Variants in BTG4 observed in about 807,000 individuals in gnomAD.
BTG4 encodes the protein protein BTG4.
A neutral mutation model predicts 19.3 loss-of-function variants in BTG4; 10 were observed. The ratio of observed to expected loss-of-function variants is 0.52; its 90% CI spans 0.32 to 0.88. The LOEUF (loss-of-function observed/expected upper bound fraction) is 0.88. Ranked by LOEUF, BTG4 falls within the 40% of genes least tolerant of loss-of-function variation. The pLI, the probability that BTG4 is intolerant of heterozygous loss-of-function variation, is 0.04. For missense variants in BTG4, 238 were observed against 281.9 expected (o/e 0.84, Z 1.11); for synonymous variants, 91 against 95.7 (o/e 0.95, Z 0.29).
At chr11:111,424,678 C>A in the BTG4 span, among the ~76,000 whole-genome samples, 53 of 152,166 alleles carry the variant, frequency 3.5e-4, no homozygotes, top group Non-Finnish European at 6.2e-4. Flanking sequence ...TAAAATTAGG[C>A]CAGATGTAGT....
At chr11:111,411,592 T>C in the BTG4 span, among the ~76,000 whole-genome samples, 2 of 152,204 alleles carry the variant, frequency 1.3e-5, no homozygotes, top group Non-Finnish European at 2.9e-5. Flanking sequence ...ATGTCTCAAA[T>C]TGTAATGTGC....
intron 5 of BTG4, among the ~76,000 whole-genome samples, chr11:111,483,254 A>G (rs1864851045): frequency 6.6e-6 from 1 of 152,208 alleles, no homozygotes; most frequent in Admixed American, 6.5e-5. Flanking sequence ...AGCCTTCTCA[A>G]GAAGGGCAGG....
chr11:111,426,360 C>T, the BTG4 span, among the ~76,000 whole-genome samples: 1 of 152,168 alleles, frequency 6.6e-6, no homozygotes, highest in African/African-American at 2.4e-5. Flanking sequence ...CTCTAGCACC[C>T]ATGGTTCTCT....
the BTG4 span, among the ~76,000 whole-genome samples, chr11:111,402,525 A>C: frequency 6.6e-6 from 1 of 152,202 alleles, no homozygotes; most frequent in East Asian, 1.9e-4. Context: ...ATTGTTGCCT[A>C]TTTTGGCTCA....
chr11:111,405,139 C>T, the BTG4 span, among the ~76,000 whole-genome samples: 1 of 152,138 alleles, frequency 6.6e-6, no homozygotes, highest in Non-Finnish European at 1.5e-5. Flanking sequence ...GGCGCGGTGG[C>T]TCATGCCTGT....
chr11:111,426,133 A>G, the BTG4 span, among the ~76,000 whole-genome samples: 1 of 152,202 alleles, frequency 6.6e-6, no homozygotes, highest in African/African-American at 2.4e-5. Flanking sequence ...AGAGGAGCAC[A>G]GCGGGACAAG....
chr11:111,411,324 G>A, the BTG4 span, among the ~76,000 whole-genome samples: 13 of 152,082 alleles, frequency 8.5e-5, no homozygotes, highest in East Asian at 2.1e-3. Flanking sequence ...TGACCCCCTT[G>A]CCGCTCCTTG....
downstream of BTG4, among the ~76,000 whole-genome samples, chr11:111,465,044 GAAGA>G (rs1327802912): frequency 2.0e-5 from 3 of 152,168 alleles, no homozygotes; most frequent in Non-Finnish European, 2.9e-5. Context: ...GAAAAAAACA[GAAGA>G]AATGAACGAA....
At chr11:111,504,018 T>C (rs1263544070) in intron 1 of BTG4, among the ~76,000 whole-genome samples, 1 of 152,152 alleles carries the variant, frequency 6.6e-6, no homozygotes, top group Non-Finnish European at 1.5e-5. Context: ...TTGCTGGACT[T>C]GTGATGTAAT....
chr11:111,424,373 G>T, the BTG4 span, among the ~76,000 whole-genome samples: 180 of 152,320 alleles, frequency 1.2e-3, 1 homozygote, highest in Admixed American at 0.01. Context: ...AACACCATGG[G>T]GTGAGAAAGG....
downstream of BTG4, among the ~76,000 whole-genome samples, chr11:111,464,350 T>C (rs1863597404): frequency 6.6e-6 from 1 of 152,144 alleles, no homozygotes; most frequent in East Asian, 1.9e-4. Flanking sequence ...ACTTTTGCCA[T>C]GTTCTATTCA....
At chr11:111,419,885 T>C in the BTG4 span, among the ~76,000 whole-genome samples, 1 of 152,322 alleles carries the variant, frequency 6.6e-6, no homozygotes, top group African/African-American at 2.4e-5. Flanking sequence ...CTAAGTGCCA[T>C]ATTGGAAAAA....
the BTG4 span, among the ~76,000 whole-genome samples, chr11:111,389,623 T>C: frequency 6.6e-6 from 1 of 152,268 alleles, no homozygotes; most frequent in African/African-American, 2.4e-5. Context: ...AGTTCTGTTA[T>C]TACTACTTTT....
At chr11:111,459,972 T>C in the BTG4 span, among the ~76,000 whole-genome samples, 6 of 152,204 alleles carry the variant, frequency 3.9e-5, no homozygotes, top group East Asian at 1.2e-3. Context: ...CCCAGGACCA[T>C]AAATCATGTA....
chr11:111,418,416 G>C, the BTG4 span, among the ~76,000 whole-genome samples: 2 of 152,214 alleles, frequency 1.3e-5, no homozygotes. Context: ...AAAGCATTCT[G>C]TGACCTTCTT....
chr11:111,442,598 A>AAAC, the BTG4 span, among the ~76,000 whole-genome samples: 5,104 of 151,442 alleles, frequency 0.034, 109 homozygotes, highest in African/African-American at 0.042. Flanking sequence ...AGTACTCGAA[A>AAAC]AACAACAACA....
chr11:111,496,991 A>G (rs903007456), intron 4 of BTG4: 49 of 420,680 alleles, frequency 1.2e-4, no homozygotes, highest in African/African-American at 9.0e-4. Flanking sequence ...ATAGGACAAT[A>G]AAAGATTATG....
chr11:111,402,176 C>T, the BTG4 span, among the ~76,000 whole-genome samples: 1 of 149,084 alleles, frequency 6.7e-6, no homozygotes, highest in Non-Finnish European at 1.5e-5. Context: ...GGGGAGTTCC[C>T]CTGCACGTGC....
chr11:111,489,341 A>G (rs919343175), intron 5 of BTG4, among the ~76,000 whole-genome samples: 4 of 152,238 alleles, frequency 2.6e-5, no homozygotes, highest in African/African-American at 9.6e-5. Context: ...GTGGGAATGC[A>G]AACTCCTACA....
Sources: gnomAD v4.1 joint callset for allele counts (sites outside exome capture counted in the v4.1 genomes callset) on GRCh38, gnomAD v4.1.1 for gene constraint, MANE v1.5 for transcripts, NCBI Gene and HGNC (gene_info 2026-07-23, HGNC 2026-07-21) for gene names.